Variants in PDE2A observed in about 807,000 individuals in gnomAD.
The protein encoded by PDE2A is cGMP-dependent 3',5'-cyclic phosphodiesterase.
In PDE2A, 53 loss-of-function variants were observed where a neutral mutation model predicts 133.6. The ratio of observed to expected loss-of-function variants is 0.40; its 90% CI spans 0.32 to 0.50. The LOEUF (loss-of-function observed/expected upper bound fraction) is 0.50, where lower values mean the gene tolerates loss of function less well. Ranked by LOEUF, PDE2A falls within the 20% of genes least tolerant of loss-of-function variation. The pLI, the probability that PDE2A is intolerant of heterozygous loss-of-function variation, is 0.73. For synonymous variants in PDE2A, 491 were observed against 490.2 expected (o/e 1.00, Z -0.02); for missense variants, 796 against 1,232.4 (o/e 0.65, Z 5.30).
At chr11:72,650,153 C>A (rs967215188) in intron 1 of PDE2A, among the ~76,000 whole-genome samples, 1 of 151,926 alleles carries the variant, frequency 6.6e-6, no homozygotes, top group African/African-American at 2.4e-5. Flanking sequence ...TCCCGAGTAG[C>A]TGAGATTACA....
Position 72,590,060 on chromosome 11 carries a change from G to T in PDE2A, c.757-79C>A. ...CTCCCCACCTGCTCCCCTCTCCGGG[G>T]CTCTTCAGGCGGGTGGAGGAGAGAG... On this transcript the variant is annotated intron_variant, in intron 9 of 30. Coordinates refer to ENST00000334456, the MANE Select transcript of PDE2A (RefSeq NM_002599.5). This position sits in a 1 kb window ranked among gnomAD's most constrained non-coding sequence, Gnocchi z 4.8. 2.1e-6 allele frequency: 3 copies of T among 1,422,918 alleles called. No homozygotes were observed. The highest frequency in any genetic ancestry group is 1.9e-6 in the Non-Finnish European group (2 of 1,033,498). 88.1% of individuals were successfully genotyped at this position (1,422,918 alleles called of 1,614,324 possible). A position where few individuals can be genotyped will look rare whatever the true frequency, so the allele number is the denominator to read the frequency against.
At chr11:72,617,878 T>A (rs990114208) in intron 2 of PDE2A, among the ~76,000 whole-genome samples, 58 of 152,184 alleles carry the variant, frequency 3.8e-4, no homozygotes, top group African/African-American at 1.4e-3. Context: ...TGAGCACTTT[T>A]ATTGTTCCTA....
intron 1 of PDE2A, among the ~76,000 whole-genome samples, chr11:72,673,030 C>A (rs1210095002): frequency 1.3e-5 from 2 of 151,926 alleles, no homozygotes; most frequent in African/African-American, 4.8e-5. Context: ...CACACTAGCA[C>A]CATGATCACA....
In PDE2A at chr11:72,663,741, A is replaced by AAG. The variant is rs201752452; in HGVS notation, c.71+10394_71+10395dup. ...AAGACTGTCTCAAAAAAAAAAAAAA[A>AAG]AGAAAGAAAAAAAAGAAAACCAAAC... On this transcript the variant is annotated intron_variant, in intron 1 of 30. Transcript: ENST00000334456. Among the ~76,000 whole-genome samples, 191 of 151,746 alleles carry AAG rather than the reference A, an allele frequency of 1.3e-3. 1 individual carries two copies. The highest frequency in any genetic ancestry group is 6.8e-3 in the Middle Eastern group (2 of 294).
chr11:72,580,522 G>T, intron 25 of PDE2A, 55 bp downstream of exon 25: 2 of 1,334,584 alleles, frequency 1.5e-6, no homozygotes, highest in Non-Finnish European at 2.1e-6. Flanking sequence ...TCATAACTTT[G>T]CAAGTCACTG....
chr11:72,606,343 G>A (rs536953014), intron 3 of PDE2A, among the ~76,000 whole-genome samples: 4 of 152,288 alleles, frequency 2.6e-5, no homozygotes, highest in African/African-American at 4.8e-5. Context: ...GTGGAGCTAC[G>A]TGTTGAAGGC....
At position 72,578,574 on chromosome 11, in the gene PDE2A, T is replaced by C. The variant is rs1855568395; in HGVS notation, c.2470-60A>G. 2 of 1,390,184 alleles carry C rather than the reference T, an allele frequency of 1.4e-6. No homozygotes were observed. The highest frequency in any genetic ancestry group is 1.8e-4 in the Middle Eastern group (1 of 5,642). The allele number at this position is 1,390,184 out of a possible 1,614,324, so 86.1% of individuals were successfully genotyped here. On this transcript the variant is annotated intron_variant, in intron 28 of 30. Coordinates refer to ENST00000334456, the MANE Select transcript of PDE2A (RefSeq NM_002599.5). The surrounding 1 kb of genome is among the most constrained non-coding windows in gnomAD (Gnocchi z 4.2). ...TAGGATACATCCACCCAAGCTCCTC[T>C]GACAGCCCGTTCCCAGGAGAGAAAA...
At chr11:72,657,447 G>C (rs557485377) in intron 1 of PDE2A, among the ~76,000 whole-genome samples, 45 of 152,280 alleles carry the variant, frequency 3.0e-4, no homozygotes, top group Admixed American at 2.7e-3. Context: ...GTCCATGCCA[G>C]ATGCAGCCCC....
intron 20 of PDE2A, among the ~76,000 whole-genome samples, chr11:72,582,972 G>T (rs1317630514): frequency 1.3e-5 from 2 of 152,172 alleles, no homozygotes; most frequent in Non-Finnish European, 2.9e-5. Flanking sequence ...TTGGACACAG[G>T]TGAGAGGAAA....
At position 72,578,853 on chromosome 11, in the gene PDE2A, G is replaced by T. The variant is rs760416186; in HGVS notation, c.2469+44C>A. On this transcript the variant is annotated intron_variant, in intron 28 of 30. Transcript: ENST00000334456. The surrounding 1 kb of genome is among the most constrained non-coding windows in gnomAD (Gnocchi z 4.2). ...AGGCACAGGGGGCACCCAAAGCTGG[G>T]CAGGGTGGGCAGCCTGTGCCTTCCC... is the stretch of plus-strand genomic sequence containing the variant. 8 of 1,239,752 alleles carry T rather than the reference G, an allele frequency of 6.5e-6. No individual in the cohort carries two copies. In the East Asian group the frequency reaches 1.9e-4, roughly 29 times the overall value. 76.8% of individuals were successfully genotyped at this position (1,239,752 alleles called of 1,614,324 possible).
intron 25 of PDE2A, 88 bp downstream of exon 25, chr11:72,580,489 G>A: frequency 1.0e-6 from 1 of 990,086 alleles, no homozygotes; most frequent in Non-Finnish European, 1.6e-6. Context: ...GGAGAGCATG[G>A]TTTGGGAATA....
intron 2 of PDE2A, among the ~76,000 whole-genome samples, chr11:72,635,418 T>A (rs147314128): frequency 1.3e-5 from 2 of 152,300 alleles, no homozygotes; most frequent in African/African-American, 4.8e-5. Context: ...CCATTTAGAA[T>A]CATTGAATCA....
intron 1 of PDE2A, among the ~76,000 whole-genome samples, chr11:72,673,398 TACAC>T (rs10552751): frequency 8.8e-5 from 13 of 148,346 alleles, no homozygotes; most frequent in Non-Finnish European, 1.8e-4. Context: ...TCCACATGTA[TACAC>T]ACACACACAC....
At chr11:72,616,620 T>C (rs780453469) in intron 2 of PDE2A, among the ~76,000 whole-genome samples, 9 of 152,152 alleles carry the variant, frequency 5.9e-5, no homozygotes, top group Non-Finnish European at 1.0e-4. Flanking sequence ...TCTCAAAGCC[T>C]CCCCAGTCTG....
At position 72,596,722 on chromosome 11, in the gene PDE2A, G is replaced by A. The variant is rs148193082; in HGVS notation, c.434-74C>T. 1,298 of 952,772 alleles carry A rather than the reference G, an allele frequency of 1.4e-3. 9 individuals are homozygous for A. In the African/African-American group the frequency reaches 0.019, roughly 14 times the overall value. 59.0% of individuals were successfully genotyped at this position (952,772 alleles called of 1,614,324 possible). A position where few individuals can be genotyped will look rare whatever the true frequency, so the allele number is the denominator to read the frequency against. On this transcript the variant is annotated intron_variant, in intron 5 of 30. Coordinates refer to ENST00000334456, the MANE Select transcript of PDE2A (RefSeq NM_002599.5). ...AGAGATACCGAGCCGGGACCCAGGT[G>A]GGGGAGACAAAGATGCAGACAAAGA...
In PDE2A at chr11:72,578,382, A is replaced by G. The variant is rs1459520855; in HGVS notation, c.2509-43T>C. ...TCAGGCCTGTCCCTCTCATTCCTCC[A>G]TCGGGTACCAGGGTCAGGCTAGTTC... On this transcript the variant is annotated intron_variant, in intron 29 of 30. Coordinates refer to ENST00000334456, the MANE Select transcript of PDE2A (RefSeq NM_002599.5). This position sits in a 1 kb window ranked among gnomAD's most constrained non-coding sequence, Gnocchi z 4.2. 2 of 1,571,526 alleles carry G rather than the reference A, an allele frequency of 1.3e-6. No homozygotes were observed. Among genetic ancestry groups the G allele is most frequent in the Non-Finnish European group, 8.8e-7 (1 of 1,141,240 alleles).
chr11:72,623,154 G>A (rs1857864686), intron 2 of PDE2A, among the ~76,000 whole-genome samples: 1 of 152,112 alleles, frequency 6.6e-6, no homozygotes, highest in Admixed American at 6.6e-5. Flanking sequence ...AGGCCAGTCT[G>A]ACTTCTGGCT....
intron 2 of PDE2A, among the ~76,000 whole-genome samples, chr11:72,618,151 A>G (rs1437525900): frequency 2.0e-5 from 3 of 152,188 alleles, no homozygotes; most frequent in Non-Finnish European, 4.4e-5. Context: ...CACAGCCTGG[A>G]GCAGGGCTCG....
Position 72,586,154 on chromosome 11 carries a change from G to A in PDE2A, c.1098C>T (p.Ile366=). Residue 366 remains isoleucine (I), a synonymous_variant, in exon 14 of 31, where the codon ATC becomes ATT. Transcript: ENST00000334456. ...TGCTGGTGTAGTGGAAGCAGTGCTG[G>A]ATCACATGCTCGTCCTCGTCGGTGA... ...DLFTDEDEHV[I]QHCFHYTSTV... 1 of 1,612,370 alleles carries A rather than the reference G, an allele frequency of 6.2e-7. No individual in the cohort carries two copies. Among genetic ancestry groups the A allele is most frequent in the Non-Finnish European group, 8.5e-7 (1 of 1,178,876 alleles).
Sources: gnomAD v4.1 joint callset for allele counts (sites outside exome capture counted in the v4.1 genomes callset) on GRCh38, gnomAD v4.1.1 for gene constraint, Gnocchi (gnomAD v3.1) non-coding constraint, MANE v1.5 for transcripts, NCBI Gene and HGNC (gene_info 2026-07-23, HGNC 2026-07-21) for gene names.